The following ITFG1 variants were observed in gnomAD, a reference collection of about 807,000 sequenced individuals.
ITFG1 encodes the protein integrin alpha FG-GAP repeat containing 1.
In ITFG1, 34 loss-of-function variants were observed where a neutral mutation model predicts 81.8. That is an observed-to-expected ratio of 0.42 (90% CI 0.32 to 0.55). ITFG1 has a LOEUF of 0.55. Among genes scored for constraint, ITFG1 ranks in the 20% least tolerant of loss-of-function variants. The pLI is 0.17. For synonymous variants in ITFG1, 285 were observed against 270.6 expected, an observed-to-expected ratio of 1.05 and a Z score of -0.52; for missense variants, 672 against 755.4, an observed-to-expected ratio of 0.89 and a Z score of 1.29.
At chr16:47,424,924 T>A (rs1028213613) in intron 6 of ITFG1, among the ~76,000 whole-genome samples, 2 of 152,112 alleles carry the variant, frequency 1.3e-5, no homozygotes, top group African/African-American at 4.8e-5. Flanking sequence ...GTGTGTCCGT[T>A]CTCGGAGTTG....
intron 6 of ITFG1, among the ~76,000 whole-genome samples, chr16:47,395,282 C>T (rs1018025179): frequency 1.3e-5 from 2 of 152,052 alleles, no homozygotes; most frequent in African/African-American, 2.4e-5. Flanking sequence ...ATTATGATGA[C>T]ATTTTGCTCC....
intron 13 of ITFG1, among the ~76,000 whole-genome samples, chr16:47,226,789 T>C (rs887840722): frequency 6.6e-6 from 1 of 152,092 alleles, no homozygotes; most frequent in African/African-American, 2.4e-5. Flanking sequence ...ATATGCTATC[T>C]TCTATTACAC....
At chr16:47,161,579 G>A (rs1964805824) in intron 16 of ITFG1, 171 bp downstream of exon 16, 1 of 436,030 alleles carries the variant, frequency 2.3e-6, no homozygotes, top group Non-Finnish European at 4.2e-6. Context: ...AAAAATGTCT[G>A]GGACCTTTTA....
At chr16:47,373,997 A>G (rs1968292903) in intron 7 of ITFG1, among the ~76,000 whole-genome samples, 1 of 152,224 alleles carries the variant, frequency 6.6e-6, no homozygotes, top group Non-Finnish European at 1.5e-5. Flanking sequence ...AAACTGAGAA[A>G]GATTATCTCC....
intron 8 of ITFG1, among the ~76,000 whole-genome samples, chr16:47,338,991 G>A (rs970633690): frequency 3.3e-5 from 5 of 152,030 alleles, no homozygotes; most frequent in African/African-American, 7.2e-5. Flanking sequence ...ATCCTTCCAC[G>A]ATTTCCATGA....
At chr16:47,438,466 C>T (rs1227830761) in intron 5 of ITFG1, among the ~76,000 whole-genome samples, 1 of 152,080 alleles carries the variant, frequency 6.6e-6, no homozygotes, top group Non-Finnish European at 1.5e-5. Flanking sequence ...CTCACATGGC[C>T]GGGTACTCCT....
At chr16:47,333,405 G>T (rs992138522) in intron 8 of ITFG1, among the ~76,000 whole-genome samples, 2 of 152,144 alleles carry the variant, frequency 1.3e-5, no homozygotes, top group Non-Finnish European at 2.9e-5. Context: ...GGTTCATCCA[G>T]AATTAGAGAC....
At chr16:47,321,811 T>C (rs1167704728) in intron 8 of ITFG1, among the ~76,000 whole-genome samples, 1 of 152,192 alleles carries the variant, frequency 6.6e-6, no homozygotes, top group African/African-American at 2.4e-5. Flanking sequence ...AATAATTGAA[T>C]AGTATAAAAA....
At chr16:47,178,856 C>G (rs1596786678) in intron 14 of ITFG1, among the ~76,000 whole-genome samples, 2 of 152,166 alleles carry the variant, frequency 1.3e-5, no homozygotes, top group South Asian at 4.1e-4. Context: ...CCAGAATCTA[C>G]AATGAACTTA....
At chr16:47,267,471 A>G (rs1019958024) in intron 10 of ITFG1, among the ~76,000 whole-genome samples, 3 of 152,222 alleles carry the variant, frequency 2.0e-5, no homozygotes, top group Non-Finnish European at 2.9e-5. Flanking sequence ...ATAGTCACGG[A>G]TTCCAATATG....
chr16:47,380,582 T>C (rs1968383859), intron 6 of ITFG1, among the ~76,000 whole-genome samples: 1 of 152,170 alleles, frequency 6.6e-6, no homozygotes, highest in African/African-American at 2.4e-5. Context: ...AAGTTCTGCA[T>C]GTATTTGATC....
intron 6 of ITFG1, among the ~76,000 whole-genome samples, chr16:47,401,095 A>G (rs1968656265): frequency 6.6e-6 from 1 of 152,200 alleles, no homozygotes; most frequent in Non-Finnish European, 1.5e-5. Flanking sequence ...AGTAGCTGCA[A>G]TGGAATGCAC....
intron 13 of ITFG1, among the ~76,000 whole-genome samples, chr16:47,222,782 T>C (rs1240389217): frequency 6.6e-6 from 1 of 152,232 alleles, no homozygotes; most frequent in East Asian, 1.9e-4. Flanking sequence ...TTTGTTATAA[T>C]TTCTGTTCCT....
intron 12 of ITFG1, among the ~76,000 whole-genome samples, chr16:47,250,350 AATATATACCTATATAAAT>A (rs936889457): frequency 2.6e-5 from 4 of 151,272 alleles, no homozygotes; most frequent in Non-Finnish European, 5.9e-5. Context: ...GTAGTTATAT[AATATATACCTATATAAAT>A]ATATATACAT....
At chr16:47,422,254 C>CT (rs1968960220) in intron 6 of ITFG1, among the ~76,000 whole-genome samples, 1 of 152,224 alleles carries the variant, frequency 6.6e-6, no homozygotes, top group Non-Finnish European at 1.5e-5. Flanking sequence ...AATCACCACA[C>CT]TGTCTTCCAC....
intron 13 of ITFG1, among the ~76,000 whole-genome samples, chr16:47,223,982 G>T (rs1390734217): frequency 6.7e-6 from 1 of 149,372 alleles, no homozygotes; most frequent in Non-Finnish European, 1.5e-5. Context: ...ACCAAACACC[G>T]CATAGTCTCA....
At chr16:47,403,761 TACACACACACACACACACACACAC>T (rs55978309) in intron 6 of ITFG1, among the ~76,000 whole-genome samples, 14 of 133,168 alleles carry the variant, frequency 1.1e-4, no homozygotes, top group Middle Eastern at 3.4e-3. Flanking sequence ...TCTCTCTTGG[TACACACACACACACACACACACAC>T]ACACACACAC....
chr16:47,426,770 C>A (rs1188269864), intron 6 of ITFG1, among the ~76,000 whole-genome samples: 1 of 151,912 alleles, frequency 6.6e-6, no homozygotes. Flanking sequence ...CATAATCAAT[C>A]CAGAATTAAG....
intron 17 of ITFG1, among the ~76,000 whole-genome samples, chr16:47,158,136 C>T (rs764255652): frequency 6.6e-6 from 1 of 151,986 alleles, no homozygotes; most frequent in African/African-American, 2.4e-5. Context: ...CTCCTTTTGC[C>T]CAGGCTGGAG....
Sources: allele counts gnomAD v4.1 joint callset (sites outside exome capture counted in the v4.1 genomes callset), GRCh38; gene constraint gnomAD v4.1.1; transcripts MANE v1.5; gene names NCBI Gene and HGNC (gene_info 2026-07-23, HGNC 2026-07-21).